The following NCKAP5 variants were observed in gnomAD, a reference collection of about 807,000 sequenced individuals.
NCKAP5 encodes the protein NCK associated protein 5, also known as nck-associated protein 5.
Under a neutral mutation model 167.0 loss-of-function variants are expected in NCKAP5, and 92 were observed. That is an observed-to-expected ratio of 0.55 (90% CI 0.47 to 0.66). The LOEUF (loss-of-function observed/expected upper bound fraction) is 0.66, where lower values mean the gene tolerates loss of function less well. Among genes scored for constraint, NCKAP5 ranks in the 30% least tolerant of loss-of-function variants. The pLI, the probability that NCKAP5 is intolerant of heterozygous loss-of-function variation, is 0.00. For synonymous variants in NCKAP5, 891 were observed against 877.4 expected (o/e 1.02, Z -0.27); for missense variants, 2,378 against 2,315.0 (o/e 1.03, Z -0.56).
chr2:132,834,213 A>T (rs1372081023), intron 11 of NCKAP5, among the ~76,000 whole-genome samples: 1 of 152,022 alleles, frequency 6.6e-6, no homozygotes, highest in Non-Finnish European at 1.5e-5. Flanking sequence ...TTCATTTTTT[A>T]GATACAGGGT....
chr2:133,233,858 C>T (rs2087268712), intron 4 of NCKAP5, among the ~76,000 whole-genome samples: 1 of 152,166 alleles, frequency 6.6e-6, no homozygotes, highest in Non-Finnish European at 1.5e-5. Context: ...ACTATATACC[C>T]CTTCTCCCCA....
chr2:133,400,921 T>C (rs944659358), intron 3 of NCKAP5, among the ~76,000 whole-genome samples: 10 of 152,278 alleles, frequency 6.6e-5, no homozygotes, highest in Non-Finnish European at 1.5e-4. Flanking sequence ...TCCTGAGTGA[T>C]ACGAATGAGG....
chr2:133,214,762 C>T (rs907078775), intron 4 of NCKAP5, among the ~76,000 whole-genome samples: 4 of 152,152 alleles, frequency 2.6e-5, no homozygotes, highest in Non-Finnish European at 2.9e-5. Flanking sequence ...TACTATACTA[C>T]TATCAAGATG....
At chr2:133,090,206 G>GA (rs2081125681) in intron 6 of NCKAP5, among the ~76,000 whole-genome samples, 1 of 112,072 alleles carries the variant, frequency 8.9e-6, no homozygotes. Flanking sequence ...GTCCATACAA[G>GA]AAAATTAAAA....
At chr2:132,815,243 GTTC>G (rs1248917851) in intron 11 of NCKAP5, among the ~76,000 whole-genome samples, 2 of 151,632 alleles carry the variant, frequency 1.3e-5, no homozygotes, top group African/African-American at 4.9e-5. Flanking sequence ...CCAAAAATGA[GTTC>G]TTATTTTTCA....
At chr2:132,697,178 C>CA (rs1558936233) in intron 19 of NCKAP5, among the ~76,000 whole-genome samples, 3 of 10,058 alleles carry the variant, frequency 3.0e-4, no homozygotes, top group East Asian at 0.083. Flanking sequence ...ATGGGCACTG[C>CA]GCCGGCCGAC....
At chr2:133,286,276 G>A (rs950211029) in intron 4 of NCKAP5, among the ~76,000 whole-genome samples, 7 of 152,102 alleles carry the variant, frequency 4.6e-5, no homozygotes, top group Non-Finnish European at 7.4e-5. Flanking sequence ...GATTACAGGC[G>A]TGAGACACCA....
intron 12 of NCKAP5, among the ~76,000 whole-genome samples, chr2:132,794,263 T>TATATATATATATATAG (rs762281677): frequency 8.4e-5 from 1 of 11,892 alleles, no homozygotes; most frequent in Non-Finnish European, 1.7e-4. Flanking sequence ...TATATATATA[T>TATATATATATATATAG]AGAGAGAGAG....
At chr2:133,469,898 AG>A (rs1428661786) in intron 3 of NCKAP5, among the ~76,000 whole-genome samples, 1 of 148,532 alleles carries the variant, frequency 6.7e-6, no homozygotes, top group Non-Finnish European at 1.5e-5. Flanking sequence ...TGGTTATTCT[AG>A]TCATACATTC....
chr2:133,373,385 A>G (rs1022609751), intron 3 of NCKAP5, among the ~76,000 whole-genome samples: 4 of 152,184 alleles, frequency 2.6e-5, no homozygotes. Flanking sequence ...ATCTACAGGG[A>G]AAACTACAAC....
intron 8 of NCKAP5, among the ~76,000 whole-genome samples, chr2:132,883,535 C>A (rs1691959074): frequency 6.6e-6 from 1 of 152,160 alleles, no homozygotes; most frequent in South Asian, 2.1e-4. Context: ...CCTCTTTCCC[C>A]TTTATCTCCT....
chr2:132,808,819 G>A (rs1685638828), intron 11 of NCKAP5, among the ~76,000 whole-genome samples: 1 of 151,954 alleles, frequency 6.6e-6, no homozygotes, highest in Non-Finnish European at 1.5e-5. Flanking sequence ...GTTTGAGTTT[G>A]GCTTGTTCTT....
rs1440168328 is a variant in NCKAP5, at chr2:132,672,423, A to C, written c.*866T>G. On this transcript the variant is annotated 3_prime_UTR_variant, in exon 20 of 20. Transcript: ENST00000409261. ...CATTTTTCAGCAGAAGCAGAATGACACTTATTACTATCACCTGAATCTCTG... is the reference window on the plus strand; with the variant it reads ...CATTTTTCAGCAGAAGCAGAATGACCCTTATTACTATCACCTGAATCTCTG... 7 of 152,208 alleles carry C rather than the reference A, an allele frequency of 4.6e-5. No individual in the cohort carries two copies. 9.4% of individuals were successfully genotyped at this position (152,208 alleles called of 1,614,324 possible).
intron 2 of NCKAP5, among the ~76,000 whole-genome samples, chr2:133,526,219 G>GGAAGGAAGGAAA (rs1684877607): frequency 7.7e-6 from 1 of 129,674 alleles, no homozygotes; most frequent in Non-Finnish European, 1.6e-5. Flanking sequence ...AAGGAAGGAA[G>GGAAGGAAGGAAA]GAAGGAAGAA....
chr2:133,391,453 T>C (rs1289210864), intron 3 of NCKAP5: 1 of 152,250 alleles, frequency 6.6e-6, no homozygotes, highest in Non-Finnish European at 1.5e-5. Flanking sequence ...CTATAGACTA[T>C]CTGACTACAT....
rs1438775676 is a variant in NCKAP5 at position 133,129,965 on chromosome 2, C to G, written c.341+13G>C. ...GCACCTCAGGAAGCAATCTGCTCAG[C>G]TAAGAACAATACCTGGAGAACTGCT... On this transcript the variant is annotated intron_variant, in intron 6 of 19. Transcript: ENST00000409261. 1.9e-6 allele frequency: 3 copies of G among 1,596,108 alleles called. No homozygotes were observed. The highest frequency in any genetic ancestry group is 2.6e-6 in the Non-Finnish European group (3 of 1,173,762).
intron 3 of NCKAP5, among the ~76,000 whole-genome samples, chr2:133,428,338 T>C (rs770073162): frequency 1.3e-5 from 2 of 152,142 alleles, no homozygotes; most frequent in African/African-American, 2.4e-5. Flanking sequence ...AAAATTTTGA[T>C]AAAACTAATA....
intron 4 of NCKAP5, among the ~76,000 whole-genome samples, chr2:133,265,645 G>A (rs2089161661): frequency 2.6e-5 from 4 of 152,160 alleles, no homozygotes; most frequent in Admixed American, 2.6e-4. Context: ...GGCCGCCTGG[G>A]CAAGTGGCCT....
chr2:133,061,405 A>G (rs2079996288), intron 6 of NCKAP5, among the ~76,000 whole-genome samples: 1 of 152,244 alleles, frequency 6.6e-6, no homozygotes, highest in African/African-American at 2.4e-5. Flanking sequence ...GCATTCTAGA[A>G]GAAGTTTTTT....
Sources: allele counts gnomAD v4.1 joint callset (sites outside exome capture counted in the v4.1 genomes callset), GRCh38; gene constraint gnomAD v4.1.1; transcripts MANE v1.5; gene names NCBI Gene and HGNC (gene_info 2026-07-23, HGNC 2026-07-21).